Variants in OR1J2 observed in about 807,000 individuals in gnomAD.
The protein encoded by OR1J2 is olfactory receptor 1J2.
For synonymous variants in OR1J2, 142 were observed against 99.7 expected (o/e 1.42, Z -2.52); for missense variants, 304 against 246.1 (o/e 1.24, Z -1.57).
chr9:122,534,689 T>A, the OR1J2 span, among the ~76,000 whole-genome samples: 1 of 151,692 alleles, frequency 6.6e-6, no homozygotes, highest in Non-Finnish European at 1.5e-5. Flanking sequence ...GATGGGTCTG[T>A]AGAAAAGGAA....
the OR1J2 span, among the ~76,000 whole-genome samples, chr9:122,488,525 G>T: frequency 6.6e-6 from 1 of 152,302 alleles, no homozygotes; most frequent in South Asian, 2.1e-4. Context: ...ACTTTTCAAG[G>T]ACTAGAGATT....
chr9:122,529,653 C>T, the OR1J2 span, among the ~76,000 whole-genome samples: 2 of 152,184 alleles, frequency 1.3e-5, no homozygotes, highest in African/African-American at 4.8e-5. Flanking sequence ...ATCCTTCATC[C>T]TATCTATGGC....
chr9:122,448,886 G>A, the OR1J2 span: 15 of 146,764 alleles, frequency 1.0e-4, no homozygotes, highest in African/African-American at 3.5e-4. Flanking sequence ...TTTCTACATA[G>A]ACACAGTAAC....
the OR1J2 span, among the ~76,000 whole-genome samples, chr9:122,574,441 T>TG: frequency 6.6e-6 from 1 of 152,246 alleles, no homozygotes; most frequent in Non-Finnish European, 1.5e-5. Context: ...TATTTTATTT[T>TG]GGGGGGTGCT....
chr9:122,463,259 T>G, the OR1J2 span, among the ~76,000 whole-genome samples: 2 of 152,260 alleles, frequency 1.3e-5, no homozygotes, highest in Non-Finnish European at 2.9e-5. Context: ...AAGTGTGTCC[T>G]TCATTTTCAG....
chr9:122,449,392 CAG>C, the OR1J2 span, among the ~76,000 whole-genome samples: 1 of 152,038 alleles, frequency 6.6e-6, no homozygotes, highest in Non-Finnish European at 1.5e-5. Context: ...TTTTCTGAGA[CAG>C]AGTCTCGCTC....
At chr9:122,563,214 A>G in the OR1J2 span, among the ~76,000 whole-genome samples, 3 of 151,138 alleles carry the variant, frequency 2.0e-5, no homozygotes, top group African/African-American at 7.3e-5. Context: ...GATAATAGCC[A>G]TTCTAACTGG....
At chr9:122,559,133 G>A in the OR1J2 span, among the ~76,000 whole-genome samples, 1 of 151,910 alleles carries the variant, frequency 6.6e-6, no homozygotes. Context: ...TTGTACAATA[G>A]AACACCAGAG....
chr9:122,565,382 C>G, the OR1J2 span, among the ~76,000 whole-genome samples: 1 of 152,162 alleles, frequency 6.6e-6, no homozygotes, highest in Non-Finnish European at 1.5e-5. Flanking sequence ...TTTGTGGATA[C>G]CAGTGAGTCT....
At chr9:122,567,320 A>C in the OR1J2 span, 2 of 406,962 alleles carry the variant, frequency 4.9e-6, no homozygotes, top group Non-Finnish European at 8.7e-6. Context: ...AGTGGAAAAA[A>C]TAAATCTTTC....
the OR1J2 span, among the ~76,000 whole-genome samples, chr9:122,479,721 G>A: frequency 6.6e-6 from 1 of 152,140 alleles, no homozygotes; most frequent in Non-Finnish European, 1.5e-5. Flanking sequence ...GATATGAGCT[G>A]GATGTCTTAT....
At chr9:122,553,371 T>C in the OR1J2 span, 2 of 1,613,928 alleles carry the variant, frequency 1.2e-6, no homozygotes, top group Admixed American at 3.3e-5. Flanking sequence ...GGCCATCAGC[T>C]CTGACCCACA....
the OR1J2 span, among the ~76,000 whole-genome samples, chr9:122,545,221 A>G: frequency 1.3e-5 from 2 of 149,686 alleles, no homozygotes; most frequent in Non-Finnish European, 3.0e-5. Flanking sequence ...TTAATTTATT[A>G]ACATTTATTT....
At chr9:122,473,986 T>C in the OR1J2 span, among the ~76,000 whole-genome samples, 1 of 152,166 alleles carries the variant, frequency 6.6e-6, no homozygotes, top group South Asian at 2.1e-4. Flanking sequence ...ATACTGCATG[T>C]TGTACCCAGG....
At chr9:122,478,287 G>A in the OR1J2 span, among the ~76,000 whole-genome samples, 1 of 152,170 alleles carries the variant, frequency 6.6e-6, no homozygotes, top group Non-Finnish European at 1.5e-5. Context: ...AGATGTGAAA[G>A]CTAAGGCAGA....
the OR1J2 span, chr9:122,447,662 A>AG: frequency 6.6e-6 from 1 of 151,888 alleles, no homozygotes; most frequent in Non-Finnish European, 1.5e-5. Context: ...CATGAAAAAA[A>AG]AAACAAGCCA....
chr9:122,518,991 A>G, the OR1J2 span: 1 of 617,716 alleles, frequency 1.6e-6, no homozygotes, highest in Admixed American at 3.0e-5. Context: ...ACTTGAAATG[A>G]TTTTTTGTAG....
chr9:122,571,547 CAAAA>C, the OR1J2 span, among the ~76,000 whole-genome samples: 41,021 of 126,724 alleles, frequency 0.32, 6,432 homozygotes, highest in Non-Finnish European at 0.39. Context: ...CAGACTGTCT[CAAAA>C]AAAAAAAAAA....
the OR1J2 span, among the ~76,000 whole-genome samples, chr9:122,467,215 A>T: frequency 6.6e-6 from 1 of 152,126 alleles, no homozygotes; most frequent in Non-Finnish European, 1.5e-5. Flanking sequence ...GCCTCAGAGT[A>T]ATAAAAAGAT....
Sources: gnomAD v4.1 joint callset for allele counts (sites outside exome capture counted in the v4.1 genomes callset) on GRCh38, gnomAD v4.1.1 for gene constraint, MANE v1.5 for transcripts, NCBI Gene and HGNC (gene_info 2026-07-23, HGNC 2026-07-21) for gene names.